BMP1: variants seen among roughly 807,000 people sequenced by gnomAD.
BMP1 encodes bone morphogenetic protein 1.
BMP1 carries 63 observed loss-of-function variants against 116.8 expected under a neutral mutation model. The observed-to-expected ratio is 0.54, with a 90% CI of 0.44 to 0.67. The LOEUF is 0.67. BMP1 is among the 30% of genes least tolerant of loss of function. The pLI, the probability that BMP1 is intolerant of heterozygous loss-of-function variation, is 0.00. For synonymous variants in BMP1, 536 were observed against 533.4 expected (o/e 1.00, Z -0.07); for missense variants, 1,183 against 1,358.9 (o/e 0.87, Z 2.04).
At chr8:22,190,833 C>A (rs1046919899) in intron 8 of BMP1, among the ~76,000 whole-genome samples, 2 of 152,148 alleles carry the variant, frequency 1.3e-5, no homozygotes, top group Non-Finnish European at 2.9e-5. Context: ...CAGACGGTCC[C>A]CTTCTCTAGC....
intron 16 of BMP1, among the ~76,000 whole-genome samples, chr8:22,205,206 TGAG>T (rs1185879119): frequency 6.6e-6 from 1 of 151,946 alleles, no homozygotes; most frequent in African/African-American, 2.4e-5. Flanking sequence ...CACAGTGGCT[TGAG>T]GAGGGGGCTG....
chr8:22,191,160 A>C (rs1467699556), intron 8 of BMP1, among the ~76,000 whole-genome samples: 1 of 152,214 alleles, frequency 6.6e-6, no homozygotes, highest in Non-Finnish European at 1.5e-5. Context: ...CTCAGGACAG[A>C]CAGTGCCTGT....
intron 5 of BMP1, 155 bp from the exon 6 acceptor site, chr8:22,177,697 C>G: frequency 1.3e-6 from 1 of 769,536 alleles, no homozygotes; most frequent in East Asian, 2.4e-5. Context: ...CCTCCCCATT[C>G]CCCAGGCTCC....
At chr8:22,192,307 T>A in intron 9 of BMP1, 156 bp downstream of exon 9, 1 of 607,426 alleles carries the variant, frequency 1.6e-6, no homozygotes, top group South Asian at 1.9e-5. Context: ...CCCAGATAGC[T>A]GCATTACTCA....
Position 22,194,022 on chromosome 8 carries a change from G to T in BMP1, c.1181-36G>T. The T allele has an allele frequency of 1.9e-6, 3 of 1,577,000 alleles. No homozygotes were observed. The highest frequency in any genetic ancestry group is 2.6e-6 in the Non-Finnish European group (3 of 1,146,476). Reference sequence around the variant, plus strand: ...GGGGCCTCTATAGGGGGTGTCCTCAGGGTTCACCACTCTTCCATCCACACT... The same window carrying T: ...GGGGCCTCTATAGGGGGTGTCCTCATGGTTCACCACTCTTCCATCCACACT... On this transcript the variant is annotated intron_variant, in intron 9 of 19. Transcript: ENST00000306385. The surrounding 1 kb of genome is among the most constrained non-coding windows in gnomAD (Gnocchi z 4.5).
intron 15 of BMP1, among the ~76,000 whole-genome samples, chr8:22,200,902 C>T (rs1030348714): frequency 2.0e-5 from 3 of 152,158 alleles, no homozygotes; most frequent in African/African-American, 7.2e-5. Flanking sequence ...TCTGTCCCGT[C>T]GCTGTGCCTC....
At chr8:22,196,188 T>G (rs80055120) in intron 13 of BMP1, 8,069 of 522,582 alleles carry the variant, frequency 0.015, 141 homozygotes, top group Middle Eastern at 0.08. Context: ...CAGGGTGTTA[T>G]GATCTACAGG....
rs1366168800 is a variant in BMP1, at chr8:22,176,132, T to C, written c.263-11T>C. ...TCTCCACTCACTAGTCACCATGACT[T>C]CCTCTCTCAGTTCCAGGAAACACTT... On this transcript the variant is annotated splice_polypyrimidine_tract_variant and intron_variant, in intron 2 of 19. Transcript: ENST00000306385. 2 of 1,613,784 alleles carry C rather than the reference T, an allele frequency of 1.2e-6. No individual in the cohort carries two copies. Among genetic ancestry groups the C allele is most frequent in the South Asian group, 2.2e-5 (2 of 91,072 alleles).
chr8:22,199,749 G>T (rs935250313), intron 15 of BMP1, among the ~76,000 whole-genome samples: 3 of 152,158 alleles, frequency 2.0e-5, no homozygotes, highest in African/African-American at 7.2e-5. Context: ...CTCATAGGGT[G>T]CCCTTCACCC....
At position 22,176,258 on chromosome 8, in the gene BMP1, A is replaced by G. The variant is rs368185037; in HGVS notation, c.378A>G (p.Pro126=). Residue 126 remains proline (P), a synonymous_variant, in exon 3 of 20, where the codon CCA becomes CCG. Coordinates refer to ENST00000306385, the MANE Select transcript of BMP1 (RefSeq NM_006129.5). ...SRSRRAATSR[P]ERVWPDGVIP... ...GCCGGCGGGCGGCGACGTCCCGACC[A>G]GAGCGTGTGTGGCCCGATGGGGTCA... 35 of 1,613,252 alleles carry G rather than the reference A, an allele frequency of 2.2e-5. No individual in the cohort carries two copies. The highest frequency in any genetic ancestry group is 2.5e-5 in the Non-Finnish European group (30 of 1,179,662).
At chr8:22,193,093 C>G (rs150841826) in intron 9 of BMP1, among the ~76,000 whole-genome samples, 2 of 152,232 alleles carry the variant, frequency 1.3e-5, no homozygotes, top group Non-Finnish European at 2.9e-5. Flanking sequence ...CCCTCTGTCC[C>G]TTGCTGAATG....
At position 22,194,715 on chromosome 8, in the gene BMP1, G is replaced by T; in HGVS notation, c.1444-9G>T. On this transcript the variant is annotated splice_polypyrimidine_tract_variant and intron_variant, in intron 11 of 19. Coordinates refer to ENST00000306385, the MANE Select transcript of BMP1 (RefSeq NM_006129.5). The surrounding 1 kb of genome is among the most constrained non-coding windows in gnomAD (Gnocchi z 4.5). The stretch of plus-strand genomic sequence containing the variant: ...GAGCCCCTTCCACTGATGAAGCCTC[G>T]ACCCCTAGATTGAGCGCCACGACAG... 1 of 1,597,334 alleles carries T rather than the reference G, an allele frequency of 6.3e-7. No individual in the cohort carries two copies. The highest frequency in any genetic ancestry group is 1.1e-5 in the South Asian group (1 of 89,024).
At chr8:22,200,548 G>A (rs1349257007) in intron 15 of BMP1, among the ~76,000 whole-genome samples, 1 of 152,148 alleles carries the variant, frequency 6.6e-6, no homozygotes, top group Non-Finnish European at 1.5e-5. Flanking sequence ...CATTTGCATG[G>A]TGTATTGGAG....
chr8:22,186,461 C>T lies in BMP1; in HGVS notation c.1078-5588C>T, dbSNP rs537605877. 5.9e-5 allele frequency among the ~76,000 whole-genome samples: 9 copies of T among 152,100 alleles called. No homozygotes were observed. In the South Asian group the frequency reaches 1.0e-3, roughly 18 times the overall value. ...TAACCTCTCTGTGCCTTTGTTTCCC[C>T]GTCTATCTATATATATATTTTTTTG... On this transcript the variant is annotated intron_variant, in intron 8 of 19. Coordinates refer to ENST00000306385, the MANE Select transcript of BMP1 (RefSeq NM_006129.5).
rs868502122 is a variant in BMP1 at position 22,180,277 on chromosome 8, C to G, written c.962-91C>G. 32 of 1,041,188 alleles carry G rather than the reference C, an allele frequency of 3.1e-5. No individual in the cohort carries two copies. The Middle Eastern group carries it at 1.4e-3, about 47-fold the overall frequency. The allele number at this position is 1,041,188 out of a possible 1,614,324, so 64.5% of individuals were successfully genotyped here. A position where few individuals can be genotyped will look rare whatever the true frequency, so the allele number is the denominator to read the frequency against. On this transcript the variant is annotated intron_variant, in intron 7 of 19. Transcript: ENST00000306385. ...CACTCCTCAGGCATTCTCCCCTCCC[C>G]CAGAGGATGCCAAGGTTCAGGGGTG...
At chr8:22,169,303 G>A (rs550496106) in intron 1 of BMP1, 1 of 152,186 alleles carries the variant, frequency 6.6e-6, no homozygotes, top group Non-Finnish European at 1.5e-5. Flanking sequence ...ATCCAAGGGA[G>A]TCAGCTAATC....
At chr8:22,192,904 A>G (rs1476211187) in intron 9 of BMP1, among the ~76,000 whole-genome samples, 1 of 152,204 alleles carries the variant, frequency 6.6e-6, no homozygotes, top group African/African-American at 2.4e-5. Flanking sequence ...TCCTCAGCCT[A>G]TGCCTAAAAC....
Position 22,196,813 on chromosome 8 carries a change from T to C in BMP1, c.1899T>C (p.Phe633=), listed in dbSNP as rs745856391. ...APTQYRISLQ[F]DFFETEGNDV... ...CCCAGTACCGCATCTCCCTGCAGTTTGACTTCTTTGAGACAGAGGGCAATG... is the reference window on the plus strand; with the variant it reads ...CCCAGTACCGCATCTCCCTGCAGTTCGACTTCTTTGAGACAGAGGGCAATG... Residue 633 remains phenylalanine (F), a synonymous_variant, in exon 14 of 20, where the codon TTT becomes TTC. Transcript: ENST00000306385. The C allele has an allele frequency of 6.2e-7, 1 of 1,613,882 alleles. No homozygotes were observed. The highest frequency in any genetic ancestry group is 1.1e-5 in the South Asian group (1 of 91,048).
chr8:22,206,839 C>G lies in BMP1; in HGVS notation c.2234-15C>G. On this transcript the variant is annotated splice_polypyrimidine_tract_variant and intron_variant, in intron 16 of 19. Coordinates refer to ENST00000306385, the MANE Select transcript of BMP1 (RefSeq NM_006129.5). ...GGTCCCTCTCTATCCCCTTCCGTCA[C>G]TCGCTTCCCTGCAGCCGGCTGTGAC... 1 of 1,614,126 alleles carries G rather than the reference C, an allele frequency of 6.2e-7. No individual in the cohort carries two copies. The highest frequency in any genetic ancestry group is 8.5e-7 in the Non-Finnish European group (1 of 1,180,006).
Sources: allele counts gnomAD v4.1 joint callset (sites outside exome capture counted in the v4.1 genomes callset), GRCh38; gene constraint gnomAD v4.1.1; non-coding constraint Gnocchi (gnomAD v3.1); transcripts MANE v1.5; gene names NCBI Gene and HGNC (gene_info 2026-07-23, HGNC 2026-07-21).